ADCY1: variants seen among roughly 807,000 people sequenced by gnomAD.
ADCY1 encodes adenylate cyclase 1.
In ADCY1, 28 loss-of-function variants were observed where a neutral mutation model predicts 105.4. The observed-to-expected ratio is 0.27, with a 90% CI of 0.20 to 0.36. ADCY1 has a LOEUF of 0.36. Ranked by LOEUF, ADCY1 falls within the 10% of genes least tolerant of loss-of-function variation. The probability of loss-of-function intolerance (pLI) is 1.00; values close to 1 mark genes in which losing one functional copy is unlikely to be tolerated. For synonymous variants in ADCY1, 655 were observed against 623.8 expected (o/e 1.05, Z -0.75); for missense variants, 977 against 1,434.2 (o/e 0.68, Z 5.15).
chr7:45,620,440 C>A (rs180707202), intron 3 of ADCY1, among the ~76,000 whole-genome samples: 23 of 152,104 alleles, frequency 1.5e-4, no homozygotes, highest in Middle Eastern at 3.4e-3. Context: ...ACTTAAGGGA[C>A]ACCATCAAAC....
intron 14 of ADCY1, among the ~76,000 whole-genome samples, chr7:45,701,166 G>GA (rs1784988064): frequency 1.3e-5 from 2 of 152,204 alleles, no homozygotes; most frequent in African/African-American, 4.8e-5. Context: ...TTCCTGGTGG[G>GA]AAAATCTTAT....
intron 4 of ADCY1, among the ~76,000 whole-genome samples, chr7:45,645,388 C>T (rs1413884008): frequency 6.6e-6 from 1 of 152,118 alleles, no homozygotes; most frequent in Non-Finnish European, 1.5e-5. Context: ...ATGTCCTTTT[C>T]TGCGGTGGCC....
chr7:45,707,297 T>C (rs1785140250), intron 17 of ADCY1, among the ~76,000 whole-genome samples: 1 of 152,186 alleles, frequency 6.6e-6, no homozygotes, highest in Non-Finnish European at 1.5e-5. Flanking sequence ...TATCCTTCAG[T>C]AGGTGAATGG....
Position 45,703,950 on chromosome 7 carries a change from G to C in ADCY1, c.2718+204G>C, listed in dbSNP as rs564305345. Reference sequence around the variant, plus strand: ...AGGGGGTCTTGACTCTAGGTTGGGGGACCAGGGCCACTGGGTGGGGCTGGG... The same window carrying C: ...AGGGGGTCTTGACTCTAGGTTGGGGCACCAGGGCCACTGGGTGGGGCTGGG... On this transcript the variant is annotated intron_variant, in intron 16 of 19. Coordinates refer to ENST00000297323, the MANE Select transcript of ADCY1 (RefSeq NM_021116.4). This position sits in a 1 kb window ranked among gnomAD's most constrained non-coding sequence, Gnocchi z 5.9. Among the ~76,000 whole-genome samples the C allele has an allele frequency of 6.6e-6, 1 of 152,314 alleles. No individual in the cohort carries two copies. Among genetic ancestry groups the C allele is most frequent in the Admixed American group, 6.5e-5 (1 of 15,306 alleles).
At chr7:45,664,363 A>T (rs1795212105) in intron 8 of ADCY1, 1 of 1,536,050 alleles carries the variant, frequency 6.5e-7, no homozygotes, top group Non-Finnish European at 8.7e-7. Context: ...AACGGGGACG[A>T]CTGTGCACGT....
At chr7:45,652,703 A>G (rs968602645) in intron 5 of ADCY1, among the ~76,000 whole-genome samples, 1 of 152,182 alleles carries the variant, frequency 6.6e-6, no homozygotes, top group African/African-American at 2.4e-5. Flanking sequence ...CTGTGGGCCT[A>G]GTGAGGCTCC....
intron 1 of ADCY1, among the ~76,000 whole-genome samples, chr7:45,592,505 T>G (rs911274933): frequency 6.6e-6 from 1 of 152,206 alleles, no homozygotes; most frequent in African/African-American, 2.4e-5. Context: ...TTATGCATTT[T>G]GGGGGACACA....
At chr7:45,603,826 T>G (rs1793307510) in intron 2 of ADCY1, among the ~76,000 whole-genome samples, 1 of 152,086 alleles carries the variant, frequency 6.6e-6, no homozygotes, top group Admixed American at 6.5e-5. Flanking sequence ...TGGGATTGGC[T>G]TTTTTTTCAC....
At chr7:45,589,435 G>C (rs774842313) in intron 1 of ADCY1, among the ~76,000 whole-genome samples, 3 of 152,206 alleles carry the variant, frequency 2.0e-5, no homozygotes, top group Non-Finnish European at 4.4e-5. Context: ...GTAGCTCGTG[G>C]TGACCCGAGC....
At chr7:45,693,689 A>G (rs1328795299) in intron 14 of ADCY1, among the ~76,000 whole-genome samples, 1 of 151,408 alleles carries the variant, frequency 6.6e-6, no homozygotes, top group Non-Finnish European at 1.5e-5. Context: ...GGCACTATTC[A>G]CAATAGCAAA....
intron 8 of ADCY1, among the ~76,000 whole-genome samples, chr7:45,662,902 C>G (rs183653761): frequency 6.6e-6 from 1 of 152,216 alleles, no homozygotes; most frequent in Non-Finnish European, 1.5e-5. Context: ...AGTGTCACCC[C>G]TTCATCACCA....
intron 8 of ADCY1, among the ~76,000 whole-genome samples, chr7:45,666,562 A>C (rs1017343510): frequency 6.6e-6 from 1 of 152,312 alleles, no homozygotes; most frequent in South Asian, 2.1e-4. Flanking sequence ...AGTCTTTGCT[A>C]TTGTGAATAG....
chr7:45,594,447 C>G (rs1793017358), intron 2 of ADCY1, among the ~76,000 whole-genome samples: 1 of 152,190 alleles, frequency 6.6e-6, no homozygotes, highest in African/African-American at 2.4e-5. Flanking sequence ...TAACTACATC[C>G]TCTGTAGTGG....
intron 4 of ADCY1, among the ~76,000 whole-genome samples, chr7:45,630,629 T>C (rs1346401869): frequency 6.6e-6 from 1 of 152,190 alleles, no homozygotes; most frequent in East Asian, 1.9e-4. Flanking sequence ...TCTTCTGTTT[T>C]CTCTCACTCT....
At chr7:45,620,141 C>T (rs930986853) in intron 3 of ADCY1, among the ~76,000 whole-genome samples, 1 of 152,048 alleles carries the variant, frequency 6.6e-6, no homozygotes, top group African/African-American at 2.4e-5. Flanking sequence ...AAGTCAGTTA[C>T]ATAAAGACTA....
At position 45,637,537 on chromosome 7, in the gene ADCY1, C is replaced by A. The variant is rs149183330; in HGVS notation, c.1021-11133C>A. Among the ~76,000 whole-genome samples, 109 of 151,942 alleles carry A rather than the reference C, an allele frequency of 7.2e-4. 1 individual carries two copies. The East Asian group carries it at 0.021, about 29-fold the overall frequency. Reference sequence around the variant, plus strand: ...AGGAGTTTGAGACCAGACTGGACAACATAATGAGACCCCATTTCTACTGAA... The same window carrying A: ...AGGAGTTTGAGACCAGACTGGACAAAATAATGAGACCCCATTTCTACTGAA... On this transcript the variant is annotated intron_variant, in intron 4 of 19. Coordinates refer to ENST00000297323, the MANE Select transcript of ADCY1 (RefSeq NM_021116.4).
chr7:45,645,446 CT>C (rs1439017932), intron 4 of ADCY1, among the ~76,000 whole-genome samples: 1 of 152,234 alleles, frequency 6.6e-6, no homozygotes, highest in South Asian at 2.1e-4. Context: ...ACAGGGTGGG[CT>C]GTTTGGAGCA....
chr7:45,629,755 A>T (rs531298704), intron 4 of ADCY1, among the ~76,000 whole-genome samples: 2 of 152,042 alleles, frequency 1.3e-5, no homozygotes, highest in East Asian at 3.9e-4. Context: ...TCCTGACCTC[A>T]TGATCCACCC....
intron 2 of ADCY1, among the ~76,000 whole-genome samples, chr7:45,609,415 TG>T (rs1793469729): frequency 6.6e-6 from 1 of 152,206 alleles, no homozygotes; most frequent in Admixed American, 6.5e-5. Context: ...GGAATGCTGC[TG>T]GCACTGAGCA....
Sources: gnomAD v4.1 joint callset for allele counts (sites outside exome capture counted in the v4.1 genomes callset) on GRCh38, gnomAD v4.1.1 for gene constraint, Gnocchi (gnomAD v3.1) non-coding constraint, MANE v1.5 for transcripts, NCBI Gene and HGNC (gene_info 2026-07-23, HGNC 2026-07-21) for gene names.